RHOH: variants seen among roughly 807,000 people sequenced by gnomAD.
The protein encoded by RHOH is rho-related GTP-binding protein RhoH.
Under a neutral mutation model 13.8 loss-of-function variants are expected in RHOH, and 6 were observed. The ratio of observed to expected loss-of-function variants is 0.44; its 90% CI spans 0.24 to 0.86. The LOEUF (loss-of-function observed/expected upper bound fraction) is 0.86. RHOH is among the 40% of genes least tolerant of loss of function. The pLI, the probability that RHOH is intolerant of heterozygous loss-of-function variation, is 0.24. For missense variants in RHOH, 147 were observed against 244.5 expected, an observed-to-expected ratio of 0.60 and a Z score of 2.66; for synonymous variants, 117 against 103.0, an observed-to-expected ratio of 1.14 and a Z score of -0.82.
chr4:40,229,160 G>A (rs1727594084), intron 1 of RHOH, among the ~76,000 whole-genome samples: 1 of 152,132 alleles, frequency 6.6e-6, no homozygotes, highest in African/African-American at 2.4e-5. Flanking sequence ...CCAGGACTGT[G>A]GCTTTCCTCT....
rs763266169 is a variant in RHOH at position 40,243,872 on chromosome 4, G to A, written c.486G>A (p.Val162=). The change falls in exon 3 of 3, where the codon GTG becomes GTA. Residue 162 remains valine (V), a synonymous_variant. Coordinates refer to ENST00000381799, the MANE Select transcript of RHOH (RefSeq NM_004310.5). This position sits in a 1 kb window ranked among gnomAD's most constrained non-coding sequence, Gnocchi z 6.2. ...SALSNRGVQQ[V]FECAVRTAVN... ...TTAGCAATCGGGGAGTACAGCAGGT[G>A]TTTGAGTGCGCCGTCCGAACTGCCG... The A allele has an allele frequency of 3.7e-6, 6 of 1,614,192 alleles. No individual in the cohort carries two copies. The highest frequency in any genetic ancestry group is 1.7e-6 in the Non-Finnish European group (2 of 1,180,030).
chr4:40,204,043 A>G (rs182863531), intron 1 of RHOH, among the ~76,000 whole-genome samples: 1 of 152,358 alleles, frequency 6.6e-6, no homozygotes, highest in East Asian at 1.9e-4. Flanking sequence ...TCAAAATAGT[A>G]ATAACAATTA....
chr4:40,203,328 C>T (rs888340379), intron 1 of RHOH, among the ~76,000 whole-genome samples: 4 of 152,176 alleles, frequency 2.6e-5, no homozygotes, highest in Admixed American at 2.6e-4. Context: ...GAAGAGTTAA[C>T]TAATTTAGCA....
chr4:40,211,260 A>T (rs573337543), intron 1 of RHOH, among the ~76,000 whole-genome samples: 91 of 151,964 alleles, frequency 6.0e-4, no homozygotes, highest in African/African-American at 1.5e-3. Context: ...TATTTTTTTT[A>T]AATTTTATTT....
At chr4:40,206,719 A>G (rs1272890451) in intron 1 of RHOH, among the ~76,000 whole-genome samples, 4 of 152,176 alleles carry the variant, frequency 2.6e-5, no homozygotes, top group Non-Finnish European at 4.4e-5. Flanking sequence ...ACAATACCAC[A>G]ATTTCCTATA....
chr4:40,234,742 ATCT>A (rs1728345382), intron 1 of RHOH, among the ~76,000 whole-genome samples: 1 of 122,224 alleles, frequency 8.2e-6, no homozygotes, highest in African/African-American at 3.1e-5. Flanking sequence ...GCAAATCAGC[ATCT>A]TTTTTTTTTT....
chr4:40,208,410 C>T (rs1417602502), intron 1 of RHOH, among the ~76,000 whole-genome samples: 1 of 152,134 alleles, frequency 6.6e-6, no homozygotes, highest in South Asian at 2.1e-4. Flanking sequence ...AGTTCAGTTG[C>T]CTTTATAGTC....
intron 1 of RHOH, among the ~76,000 whole-genome samples, chr4:40,207,798 C>G (rs914610564): frequency 1.3e-5 from 2 of 152,082 alleles, no homozygotes; most frequent in African/African-American, 4.8e-5. Context: ...GAAACCTGGT[C>G]TCTACTAAAA....
intron 1 of RHOH, among the ~76,000 whole-genome samples, chr4:40,215,666 C>T (rs1406004523): frequency 2.0e-5 from 3 of 152,216 alleles, no homozygotes; most frequent in African/African-American, 4.8e-5. Flanking sequence ...CAGTGGCTCA[C>T]GCCTGTAATC....
At chr4:40,228,444 T>C (rs902710646) in intron 1 of RHOH, among the ~76,000 whole-genome samples, 3 of 152,166 alleles carry the variant, frequency 2.0e-5, no homozygotes, top group Non-Finnish European at 4.4e-5. Flanking sequence ...GGAGAGAAGT[T>C]ACAATAGGGA....
intron 1 of RHOH, among the ~76,000 whole-genome samples, chr4:40,197,612 A>G (rs1381575773): frequency 6.6e-6 from 1 of 152,222 alleles, no homozygotes; most frequent in Non-Finnish European, 1.5e-5. Flanking sequence ...GGTAGTTTAA[A>G]TACTACCCAA....
At chr4:40,198,003 G>C (rs1302684774) in intron 1 of RHOH, among the ~76,000 whole-genome samples, 2 of 152,140 alleles carry the variant, frequency 1.3e-5, no homozygotes, top group Non-Finnish European at 2.9e-5. Flanking sequence ...CCCCTTATTG[G>C]TTCTAAGCTG....
rs2109597694 is a variant in RHOH at position 40,244,725 on chromosome 4, A to G, written c.*763A>G. ...ATTCTCCTCTCATTCACCAAGATTG[A>G]TTGAAACACCATCTTTCAGGTAGAG... On this transcript the variant is annotated 3_prime_UTR_variant, in exon 3 of 3. Coordinates refer to ENST00000381799, the MANE Select transcript of RHOH (RefSeq NM_004310.5). 5.5e-6 allele frequency: 1 copy of G among 181,776 alleles called. No homozygotes were observed. Among genetic ancestry groups the G allele is most frequent in the Non-Finnish European group, 1.2e-5 (1 of 84,420 alleles). 11.3% of individuals were successfully genotyped at this position (181,776 alleles called of 1,614,324 possible). A position where few individuals can be genotyped will look rare whatever the true frequency, so the allele number is the denominator to read the frequency against.
chr4:40,194,732 G>T (rs1022420134), upstream of RHOH, among the ~76,000 whole-genome samples: 2 of 152,170 alleles, frequency 1.3e-5, no homozygotes, highest in African/African-American at 2.4e-5. Flanking sequence ...GTGCTGTGGG[G>T]TGGCACATTC....
At chr4:40,214,109 A>G (rs920643699) in intron 1 of RHOH, among the ~76,000 whole-genome samples, 2 of 152,142 alleles carry the variant, frequency 1.3e-5, no homozygotes, top group African/African-American at 2.4e-5. Flanking sequence ...TACTGTGAAG[A>G]CTTGCTTGAT....
chr4:40,225,172 G>T (rs916736786), intron 1 of RHOH, among the ~76,000 whole-genome samples: 4 of 152,076 alleles, frequency 2.6e-5, no homozygotes, highest in African/African-American at 9.7e-5. Flanking sequence ...GGAGTGCACT[G>T]GCGAAATCGG....
chr4:40,233,921 C>G (rs1337010142), intron 1 of RHOH, among the ~76,000 whole-genome samples: 1 of 110,132 alleles, frequency 9.1e-6, no homozygotes, highest in Non-Finnish European at 1.8e-5. Flanking sequence ...GTAATACTCC[C>G]TCTCAAATAA....
chr4:40,234,072 C>T (rs1414194502), intron 1 of RHOH, among the ~76,000 whole-genome samples: 1 of 152,176 alleles, frequency 6.6e-6, no homozygotes, highest in Non-Finnish European at 1.5e-5. Context: ...TTTATAGCAT[C>T]GTGACATTAT....
At chr4:40,220,234 T>C (rs1726389333) in intron 1 of RHOH, among the ~76,000 whole-genome samples, 1 of 152,010 alleles carries the variant, frequency 6.6e-6, no homozygotes, top group African/African-American at 2.4e-5. Context: ...TCCTATTTCT[T>C]TCTCTCCTCC....
Sources: allele counts gnomAD v4.1 joint callset (sites outside exome capture counted in the v4.1 genomes callset), GRCh38; gene constraint gnomAD v4.1.1; non-coding constraint Gnocchi (gnomAD v3.1); transcripts MANE v1.5; gene names NCBI Gene and HGNC (gene_info 2026-07-23, HGNC 2026-07-21).